The following TRIP10 variants were observed in gnomAD, a reference collection of about 807,000 sequenced individuals.
TRIP10 encodes the protein cdc42-interacting protein 4.
A neutral mutation model predicts 80.9 loss-of-function variants in TRIP10; 54 were observed. That is an observed-to-expected ratio of 0.67 (90% confidence interval 0.54 to 0.84). The LOEUF is 0.84. TRIP10 is among the 40% of genes least tolerant of loss of function. TRIP10 has a pLI of 0.00. For missense variants in TRIP10, 773 were observed against 815.3 expected, an observed-to-expected ratio of 0.95 and a Z score of 0.63; for synonymous variants, 321 against 307.2, an observed-to-expected ratio of 1.04 and a Z score of -0.47.
chr19:6,742,262 C>G (rs1277442943), intron 3 of TRIP10, among the ~76,000 whole-genome samples: 1 of 151,408 alleles, frequency 6.6e-6, no homozygotes, highest in Non-Finnish European at 1.5e-5. Flanking sequence ...TTGTGGTGCG[C>G]GCCTGTAATC....
Position 6,744,771 on chromosome 19 carries a change from A to G in TRIP10, c.790-29A>G. 1 of 1,602,970 alleles carries G rather than the reference A, an allele frequency of 6.2e-7. No individual in the cohort carries two copies. Among genetic ancestry groups the G allele is most frequent in the Non-Finnish European group, 8.5e-7 (1 of 1,173,632 alleles). On this transcript the variant is annotated intron_variant, in intron 8 of 14. Coordinates refer to ENST00000313244, the MANE Select transcript of TRIP10 (RefSeq NM_001288962.2). The surrounding 1 kb of genome is among the most constrained non-coding windows in gnomAD (Gnocchi z 4.9). The stretch of plus-strand genomic sequence containing the variant: ...GAGGTACCCATAGGCTAGGCACTCG[A>G]CTGCTCATCCACTGTCCCCCTCCCC...
chr19:6,746,571 TG>T lies in TRIP10; in HGVS notation c.1262+14del. On this transcript the variant is annotated intron_variant, in intron 11 of 14. Transcript: ENST00000313244. The surrounding 1 kb of genome is among the most constrained non-coding windows in gnomAD (Gnocchi z 6.2). ...AGGAGGTTGACCAGAGGTAAGGTGG[TG>T]GGGTAGGGAAGGACAGGCAAGGAAC... The T allele has an allele frequency of 6.2e-7, 1 of 1,610,236 alleles. No homozygotes were observed. The highest frequency in any genetic ancestry group is 8.5e-7 in the Non-Finnish European group (1 of 1,176,558).
Position 6,751,183 on chromosome 19 carries a change from C to A in TRIP10, c.1778C>A (p.Thr593Asn). The change falls in exon 15 of 15, where the codon ACC becomes AAC. Residue 593 changes from threonine to asparagine, a missense_variant. Transcript: ENST00000313244. ...GAGGGAGGCGAGGGCTACGTGCCCACCTCCTACCTCCGAGTCACGCTCAAT... is the reference window on the plus strand; with the variant it reads ...GAGGGAGGCGAGGGCTACGTGCCCAACTCCTACCTCCGAGTCACGCTCAAT... ...RKEGGEGYVP[T>N]SYLRVTLN 6.2e-7 allele frequency: 1 copy of A among 1,613,954 alleles called. No homozygotes were observed. Among genetic ancestry groups the A allele is most frequent in the Non-Finnish European group, 8.5e-7 (1 of 1,179,970 alleles).
Position 6,746,093 on chromosome 19 carries a change from C to T in TRIP10, c.1049C>T (p.Pro350Leu), listed in dbSNP as rs1270538246. The change falls in exon 10 of 15, where the codon CCG becomes CTG. Residue 350 changes from proline to leucine, a missense_variant. Transcript: ENST00000313244. This position sits in a 1 kb window ranked among gnomAD's most constrained non-coding sequence, Gnocchi z 6.2. ...CCCTCGGCATTGCCTAACGGACCCC[C>T]GTCCCCCCGCTCCGGCCGTGACCCC... ...PVPSALPNGP[P>L]SPRSGRDPLA... The T allele has an allele frequency of 2.9e-5, 44 of 1,542,398 alleles. No individual in the cohort carries two copies. The Admixed American group carries it at 3.0e-4, about 11-fold the overall frequency.
Position 6,746,174 on chromosome 19 carries a change from G to A in TRIP10, c.1130G>A (p.Arg377His), listed in dbSNP as rs986012413. ...KSVKPRLASF[R>H]SLRGSRGTVV... ...GTCAAACCGAGGCTAGCATCCTTCC[G>A]CAGCCTTCGAGGCAGCCGTGGGGTA... Residue 377 changes from arginine to histidine, a missense_variant, in exon 10 of 15, where the codon CGC becomes CAC. Physicochemically the swap from Arg to His is conservative, Grantham distance 29 (BLOSUM62 0). Coordinates refer to ENST00000313244, the MANE Select transcript of TRIP10 (RefSeq NM_001288962.2). This position sits in a 1 kb window ranked among gnomAD's most constrained non-coding sequence, Gnocchi z 6.2. 19 of 1,542,070 alleles carry A rather than the reference G, an allele frequency of 1.2e-5. No homozygotes were observed. The highest frequency in any genetic ancestry group is 1.7e-4 in the Middle Eastern group (1 of 5,974).
chr19:6,746,597 C>G lies in TRIP10; in HGVS notation c.1262+36C>G. 1 of 1,485,208 alleles carries G rather than the reference C, an allele frequency of 6.7e-7. No homozygotes were observed. The highest frequency in any genetic ancestry group is 9.4e-7 in the Non-Finnish European group (1 of 1,064,448). 92.0% of individuals were successfully genotyped at this position (1,485,208 alleles called of 1,614,324 possible). ...GGGGTAGGGAAGGACAGGCAAGGAA[C>G]ATGATAAAATAGTAAATGAACTTCA... On this transcript the variant is annotated intron_variant, in intron 11 of 14. Coordinates refer to ENST00000313244, the MANE Select transcript of TRIP10 (RefSeq NM_001288962.2). The surrounding 1 kb of genome is among the most constrained non-coding windows in gnomAD (Gnocchi z 6.2).
chr19:6,742,554 C>G (rs1382259771), intron 3 of TRIP10, among the ~76,000 whole-genome samples: 3 of 151,990 alleles, frequency 2.0e-5, no homozygotes, highest in African/African-American at 7.3e-5. Flanking sequence ...CCTGTACTCC[C>G]AGCACTTTGG....
chr19:6,745,146 C>G lies in TRIP10; in HGVS notation c.984+152C>G. 8.9e-7 allele frequency: 1 copy of G among 1,122,194 alleles called. No individual in the cohort carries two copies. The highest frequency in any genetic ancestry group is 1.2e-6 in the Non-Finnish European group (1 of 818,878). The allele number at this position is 1,122,194 out of a possible 1,614,324, so 69.5% of individuals were successfully genotyped here. A position where few individuals can be genotyped will look rare whatever the true frequency, so the allele number is the denominator to read the frequency against. ...CAGCCCGGACTGGAGGGAAGGAAGGCGGCCGATTGGCCTGGGAGTCCCCCG... is the reference window on the plus strand; with the variant it reads ...CAGCCCGGACTGGAGGGAAGGAAGGGGGCCGATTGGCCTGGGAGTCCCCCG... On this transcript the variant is annotated intron_variant, in intron 9 of 14. Coordinates refer to ENST00000313244, the MANE Select transcript of TRIP10 (RefSeq NM_001288962.2). The surrounding 1 kb of genome is among the most constrained non-coding windows in gnomAD (Gnocchi z 7.2).
intron 1 of TRIP10, among the ~76,000 whole-genome samples, chr19:6,740,250 G>T (rs1004312244): frequency 6.6e-6 from 1 of 152,176 alleles, no homozygotes; most frequent in African/African-American, 2.4e-5. Context: ...ACACCTAGGG[G>T]CTGGGGACGC....
At position 6,751,474 on chromosome 19, in the gene TRIP10, AC is replaced by A. The variant is rs1969306728; in HGVS notation, c.*264del. On this transcript the variant is annotated 3_prime_UTR_variant, in exon 15 of 15. Coordinates refer to ENST00000313244, the MANE Select transcript of TRIP10 (RefSeq NM_001288962.2). Reference sequence around the variant, plus strand: ...CTCGGCTCCGGCCATTTTGTTTTATACAAAAATGGGAAAAAAAAAAAAGAAA... The same window carrying A: ...CTCGGCTCCGGCCATTTTGTTTTATAAAAAATGGGAAAAAAAAAAAAGAAA... The A allele has an allele frequency of 3.6e-6, 3 of 837,748 alleles. No individual in the cohort carries two copies. The highest frequency in any genetic ancestry group is 4.9e-6 in the Non-Finnish European group (3 of 611,048). 51.9% of individuals were successfully genotyped at this position (837,748 alleles called of 1,614,324 possible). A position where few individuals can be genotyped will look rare whatever the true frequency, so the allele number is the denominator to read the frequency against.
Position 6,743,079 on chromosome 19 carries a change from A to G in TRIP10, c.310A>G (p.Lys104Glu), listed in dbSNP as rs1282696279. The change falls in exon 4 of 15, where the codon AAG (lysine) becomes GAG (glutamate). Residue 104 changes from lysine to glutamate, a missense_variant. By Grantham distance (56) the Lys-to-Glu change is moderately conservative (BLOSUM62 1). Transcript: ENST00000313244. Reference sequence around the variant, plus strand: ...TGTCCGTGTATGTCTTGAGCTGACCAAGTACTCACAAGAGATGAAACAGGA... The same window carrying G: ...TGTCCGTGTATGTCTTGAGCTGACCGAGTACTCACAAGAGATGAAACAGGA... ...LSVRVCLELT[K>E]YSQEMKQERK... is the part of the protein sequence containing the mutation. The G allele has an allele frequency of 6.2e-7, 1 of 1,614,172 alleles. No individual in the cohort carries two copies.
At chr19:6,742,873 T>A in intron 3 of TRIP10, 94 bp from the exon 4 acceptor site, 1 of 1,515,604 alleles carries the variant, frequency 6.6e-7, no homozygotes, top group Non-Finnish European at 8.9e-7. Flanking sequence ...TCTTGGGGCT[T>A]AACCCTTTTC....
At chr19:6,750,110 C>G in intron 12 of TRIP10, 44 bp downstream of exon 12, 1 of 901,946 alleles carries the variant, frequency 1.1e-6, no homozygotes, top group Non-Finnish European at 1.6e-6. Context: ...GCGGGCCTGG[C>G]TGAGTCACTG....
At position 6,740,588 on chromosome 19, in the gene TRIP10, C is replaced by T. The variant is rs550612569; in HGVS notation, c.25-422C>T. 2.6e-4 allele frequency: 46 copies of T among 177,280 alleles called. No homozygotes were observed. In the South Asian group the frequency reaches 5.8e-3, roughly 22 times the overall value. 11.0% of individuals were successfully genotyped at this position (177,280 alleles called of 1,614,324 possible). A position where few individuals can be genotyped will look rare whatever the true frequency, so the allele number is the denominator to read the frequency against. On this transcript the variant is annotated intron_variant, in intron 1 of 14. Coordinates refer to ENST00000313244, the MANE Select transcript of TRIP10 (RefSeq NM_001288962.2). ...CTGGAAGCAGGGAGATTCAGGGAAC[C>T]TGGTGCCTGCCCCCTGGCCACTCAG...
chr19:6,750,067 G>A lies in TRIP10; in HGVS notation c.1395+1G>A, dbSNP rs1969236315. 1 of 1,596,518 alleles carries A rather than the reference G, an allele frequency of 6.3e-7. No individual in the cohort carries two copies. Among genetic ancestry groups the A allele is most frequent in the Non-Finnish European group, 8.5e-7 (1 of 1,170,104 alleles). ...GAAATTGGAAGTGCAGAAGTATGAGGTCAGGAAAGACCCTGGGGAGGGGCG... is the reference window on the plus strand; with the variant it reads ...GAAATTGGAAGTGCAGAAGTATGAGATCAGGAAAGACCCTGGGGAGGGGCG... On this transcript the variant is annotated splice_donor_variant, in intron 12 of 14. Transcript: ENST00000313244. LOFTEE classifies it high-confidence loss of function.
rs1384000575 is a variant in TRIP10 at position 6,743,476 on chromosome 19, G to C, written c.409-18G>C. 3 of 1,612,712 alleles carry C rather than the reference G, an allele frequency of 1.9e-6. No individual in the cohort carries two copies. The highest frequency in any genetic ancestry group is 2.2e-5 in the East Asian group (1 of 44,858). The stretch of plus-strand genomic sequence containing the variant: ...TTGGGATGGTGGCTCCCTCACTCCG[G>C]TTCTGTCCCCTACACAGAGTAAGCG... On this transcript the variant is annotated intron_variant, in intron 5 of 14. Transcript: ENST00000313244.
chr19:6,751,231 GA>G lies in TRIP10; in HGVS notation c.*21del. The G allele has an allele frequency of 6.2e-7, 1 of 1,613,704 alleles. No homozygotes were observed. The highest frequency in any genetic ancestry group is 2.2e-5 in the East Asian group (1 of 44,858). On this transcript the variant is annotated 3_prime_UTR_variant, in exon 15 of 15. Coordinates refer to ENST00000313244, the MANE Select transcript of TRIP10 (RefSeq NM_001288962.2). The stretch of plus-strand genomic sequence containing the variant: ...AATTGAACCCTGCCAGAGACGGGAA[GA>G]GGGGGGCTGTCGGCTGCTGCTTCTG...
chr19:6,751,235 G>A lies in TRIP10; in HGVS notation c.*24G>A. The A allele has an allele frequency of 6.2e-7, 1 of 1,613,532 alleles. No individual in the cohort carries two copies. The highest frequency in any genetic ancestry group is 1.1e-5 in the South Asian group (1 of 91,038). On this transcript the variant is annotated 3_prime_UTR_variant, in exon 15 of 15. Coordinates refer to ENST00000313244, the MANE Select transcript of TRIP10 (RefSeq NM_001288962.2). The stretch of plus-strand genomic sequence containing the variant: ...GAACCCTGCCAGAGACGGGAAGAGG[G>A]GGGCTGTCGGCTGCTGCTTCTGGGC...
In TRIP10 at chr19:6,746,333, T is replaced by C. The variant is rs1326415800; in HGVS notation, c.1153-119T>C. 4.6e-6 allele frequency: 7 copies of C among 1,533,464 alleles called. No individual in the cohort carries two copies. The highest frequency in any genetic ancestry group is 6.2e-6 in the Non-Finnish European group (7 of 1,132,476). The allele number at this position is 1,533,464 out of a possible 1,614,324, so 95.0% of individuals were successfully genotyped here. ...CCCAACCCAGACCTGCTTTGCTCTG[T>C]GCATGGCTTCGCTGTCAAGAACCAT... On this transcript the variant is annotated intron_variant, in intron 10 of 14. Coordinates refer to ENST00000313244, the MANE Select transcript of TRIP10 (RefSeq NM_001288962.2). This position sits in a 1 kb window ranked among gnomAD's most constrained non-coding sequence, Gnocchi z 6.2.
Sources: gnomAD v4.1 joint callset for allele counts (sites outside exome capture counted in the v4.1 genomes callset) on GRCh38, gnomAD v4.1.1 for gene constraint, Gnocchi (gnomAD v3.1) non-coding constraint, MANE v1.5 for transcripts, NCBI Gene and HGNC (gene_info 2026-07-23, HGNC 2026-07-21) for gene names.